The following CD163 variants were observed in gnomAD, a reference collection of about 807,000 sequenced individuals.
The protein encoded by CD163 is CD163 molecule.
CD163 carries 64 observed loss-of-function variants against 129.2 expected under a neutral mutation model. The observed-to-expected ratio is 0.50, with a 90% CI of 0.41 to 0.61. CD163 has a LOEUF of 0.61. Among genes scored for constraint, CD163 ranks in the 20% least tolerant of loss-of-function variants. The pLI is 0.00. For missense variants in CD163, 1,061 were observed against 1,377.9 expected, an observed-to-expected ratio of 0.77 and a Z score of 3.64; for synonymous variants, 446 against 478.5, an observed-to-expected ratio of 0.93 and a Z score of 0.89.
At chr12:7,486,844 A>G in intron 9 of CD163, 31 bp from the exon 10 acceptor site, 2 of 1,606,052 alleles carry the variant, frequency 1.2e-6, no homozygotes, top group East Asian at 2.2e-5. Flanking sequence ...ATTAATAATG[A>G]GCATTCCACT....
rs749581482 is a variant in CD163, at chr12:7,481,271, C to T, written c.3248-15G>A. The T allele has an allele frequency of 6.2e-7, 1 of 1,600,828 alleles. No homozygotes were observed. The highest frequency in any genetic ancestry group is 8.6e-7 in the Non-Finnish European group (1 of 1,168,018). Reference sequence around the variant, plus strand: ...TCTTGAGGAAACTGAAAACAGAGATCCCTAGGTTAGGGATCAGCTATCATA... The same window carrying T: ...TCTTGAGGAAACTGAAAACAGAGATTCCTAGGTTAGGGATCAGCTATCATA... On this transcript the variant is annotated splice_polypyrimidine_tract_variant and intron_variant, in intron 14 of 16. Transcript: ENST00000432237.
chr12:7,487,577 T>C lies in CD163; in HGVS notation c.1832A>G (p.His611Arg). ...LGAWGSLCNS[H>R]WDIEDAHVLC... ...AACATGGGCATCTTCTATGTCCCAG[T>C]GAGAGTTACAGAGGGATCCCCAGGC... is the stretch of plus-strand genomic sequence containing the variant. Residue 611 changes from histidine (H) to arginine (R), a missense_variant, in exon 8 of 17, where the codon CAC becomes CGC. Transcript: ENST00000432237. This position sits in a 1 kb window ranked among gnomAD's most constrained non-coding sequence, Gnocchi z 5.1. 2 of 1,614,140 alleles carry C rather than the reference T, an allele frequency of 1.2e-6. No homozygotes were observed. Among genetic ancestry groups the C allele is most frequent in the Non-Finnish European group, 1.7e-6 (2 of 1,180,016 alleles).
At chr12:7,474,430 A>G (rs1356162041) in intron 16 of CD163, among the ~76,000 whole-genome samples, 1 of 152,214 alleles carries the variant, frequency 6.6e-6, no homozygotes, top group Non-Finnish European at 1.5e-5. Flanking sequence ...ACTCACTCGA[A>G]ACCTCACAAC....
intron 4 of CD163, among the ~76,000 whole-genome samples, chr12:7,498,140 CACACACAGAG>C (rs1163105513): frequency 4.6e-5 from 7 of 151,358 alleles, no homozygotes; most frequent in African/African-American, 1.7e-4. Flanking sequence ...CACACACACA[CACACACAGAG>C]AGAGAGAGAG....
intron 16 of CD163, among the ~76,000 whole-genome samples, chr12:7,473,682 C>A (rs149997891): frequency 3.7e-4 from 57 of 152,234 alleles, no homozygotes; most frequent in Non-Finnish European, 6.0e-4. Context: ...TGCAAAATAA[C>A]CAGTTAGCAT....
chr12:7,489,348 A>C (rs752073186), intron 6 of CD163, among the ~76,000 whole-genome samples: 8 of 152,124 alleles, frequency 5.3e-5, no homozygotes, highest in Non-Finnish European at 7.4e-5. Context: ...TCTTTTTTCC[A>C]AGAAATTTAT....
At chr12:7,480,231 A>G in intron 15 of CD163, 1 of 370,856 alleles carries the variant, frequency 2.7e-6, no homozygotes, top group Non-Finnish European at 4.8e-6. Context: ...TGGATGGAAG[A>G]AGTGAGGCAG....
intron 16 of CD163, among the ~76,000 whole-genome samples, chr12:7,477,349 A>G (rs150471894): frequency 3.2e-4 from 49 of 152,356 alleles, no homozygotes; most frequent in Non-Finnish European, 5.4e-4. Context: ...ATGCCCATCA[A>G]TGATAGACTG....
chr12:7,487,441 C>T lies in CD163; in HGVS notation c.1968G>A (p.Glu656=). 1 of 1,614,042 alleles carries T rather than the reference C, an allele frequency of 6.2e-7. No individual in the cohort carries two copies. The highest frequency in any genetic ancestry group is 8.5e-7 in the Non-Finnish European group (1 of 1,179,944). The change falls in exon 8 of 17, where the codon GAG becomes GAA. Residue 656 remains glutamate (E), a synonymous_variant. Transcript: ENST00000432237. The surrounding 1 kb of genome is among the most constrained non-coding windows in gnomAD (Gnocchi z 5.1). The part of the protein sequence containing the change: ...WRHMFHCTGT[E]QHMGDCPVTA... ...TTACAGGACAATCTCCCATGTGCTG[C>T]TCAGTCCCAGTGCAGTGAAACATAT...
At position 7,478,882 on chromosome 12, in the gene CD163, AAATT is replaced by A. The variant is rs777679912; in HGVS notation, c.*31+974_*31+977del. Among the ~76,000 whole-genome samples the A allele has an allele frequency of 1.1e-4, 17 of 152,184 alleles. No homozygotes were observed. The East Asian group carries it at 3.1e-3, about 28-fold the overall frequency. On this transcript the variant is annotated intron_variant, in intron 16 of 16. Coordinates refer to ENST00000432237, the MANE Select transcript of CD163 (RefSeq NM_203416.4). Reference sequence around the variant, plus strand: ...TTCATTTCTAGATGTAGTCTTCCCCAAATTATTATTTTAAAAACAGAAAATGTAT... The same window carrying A: ...TTCATTTCTAGATGTAGTCTTCCCCAATTATTTTAAAAACAGAAAATGTAT...
intron 6 of CD163, among the ~76,000 whole-genome samples, chr12:7,492,811 C>T (rs777645681): frequency 5.9e-5 from 9 of 152,040 alleles, no homozygotes; most frequent in Non-Finnish European, 1.2e-4. Flanking sequence ...AGTATCCTGT[C>T]CCCCCAAATT....
In CD163 at chr12:7,488,026, C is replaced by G. The variant is rs1324803229; in HGVS notation, c.1482G>C (p.Lys494Asn). The part of the protein sequence containing the change: ...DIPCSGRVEV[K>N]HGDTWGSICD... ...AGATGGAGCCCCACGTGTCACCATG[C>G]TTCACTTCAACACGTCCAGAACAGG... The change falls in exon 7 of 17, where the codon AAG (lysine) becomes AAC (asparagine). Residue 494 changes from lysine (K) to asparagine (N), a missense_variant. Physicochemically the swap from Lys to Asn is moderately conservative, Grantham distance 94. Coordinates refer to ENST00000432237, the MANE Select transcript of CD163 (RefSeq NM_203416.4). The G allele has an allele frequency of 6.2e-7, 1 of 1,614,068 alleles. No homozygotes were observed. Among genetic ancestry groups the G allele is most frequent in the East Asian group, 2.2e-5 (1 of 44,842 alleles).
At chr12:7,476,374 G>C (rs1329342658) in intron 16 of CD163, among the ~76,000 whole-genome samples, 1 of 152,102 alleles carries the variant, frequency 6.6e-6, no homozygotes, top group South Asian at 2.1e-4. Context: ...GCATGGTACT[G>C]GTACCAAAAC....
chr12:7,484,993 T>G, intron 11 of CD163, 103 bp downstream of exon 11: 1 of 1,041,034 alleles, frequency 9.6e-7, no homozygotes, highest in Non-Finnish European at 1.4e-6. Context: ...ATCTAACAAT[T>G]TAAGCCAGTG....
intron 6 of CD163, among the ~76,000 whole-genome samples, chr12:7,488,716 A>C (rs1183522142): frequency 1.3e-5 from 2 of 152,128 alleles, no homozygotes; most frequent in East Asian, 3.9e-4. Context: ...TAATAAATAT[A>C]TTTTCATCCA....
intron 16 of CD163, among the ~76,000 whole-genome samples, chr12:7,476,511 C>T (rs1205900568): frequency 6.6e-5 from 10 of 152,020 alleles, no homozygotes; most frequent in Non-Finnish European, 1.2e-4. Flanking sequence ...CAATAAATGG[C>T]GCTGGGAAAA....
intron 16 of CD163, among the ~76,000 whole-genome samples, chr12:7,475,906 A>T (rs1042200087): frequency 6.6e-6 from 1 of 152,238 alleles, no homozygotes; most frequent in Non-Finnish European, 1.5e-5. Context: ...ATACAAAATC[A>T]ATGTGCAAAA....
chr12:7,501,285 G>C lies in CD163; in HGVS notation c.311C>G (p.Ala104Gly). The change falls in exon 3 of 17, where the codon GCT becomes GGT. Residue 104 changes from alanine to glycine, a missense_variant. Ala to Gly is a moderately conservative substitution (Grantham distance 60). Coordinates refer to ENST00000432237, the MANE Select transcript of CD163 (RefSeq NM_203416.4). ...CPTAIKAPGWANSSAGSGRIW... is the reference protein window; with the variant it reads ...CPTAIKAPGWGNSSAGSGRIW... Reference sequence around the variant, plus strand: ...GCGTCCAGAACCTGCACTGGAATTAGCCCATCCAGGGGCTTTGATAGCAGT... The same window carrying C: ...GCGTCCAGAACCTGCACTGGAATTACCCCATCCAGGGGCTTTGATAGCAGT... 3.7e-6 allele frequency: 6 copies of C among 1,614,170 alleles called. No individual in the cohort carries two copies. The highest frequency in any genetic ancestry group is 5.1e-6 in the Non-Finnish European group (6 of 1,180,022).
At chr12:7,481,281 G>C in intron 14 of CD163, 25 bp from the exon 15 acceptor site, 2 of 1,566,808 alleles carry the variant, frequency 1.3e-6, no homozygotes, top group Middle Eastern at 1.7e-4. Context: ...CCCTAGGTTA[G>C]GGATCAGCTA....
Sources: allele counts gnomAD v4.1 joint callset (sites outside exome capture counted in the v4.1 genomes callset), GRCh38; gene constraint gnomAD v4.1.1; non-coding constraint Gnocchi (gnomAD v3.1); transcripts MANE v1.5; gene names NCBI Gene and HGNC (gene_info 2026-07-23, HGNC 2026-07-21).